TAFA1: variants seen among roughly 807,000 people sequenced by gnomAD.
TAFA1 encodes the protein TAFA chemokine like family member 1, also known as chemokine-like protein TAFA-1.
A neutral mutation model predicts 18.5 loss-of-function variants in TAFA1; 4 were observed. The observed-to-expected ratio is 0.22, with a 90% CI of 0.11 to 0.49. The LOEUF is 0.49. Ranked by LOEUF, TAFA1 falls within the 20% of genes least tolerant of loss-of-function variation. TAFA1 has a pLI of 0.98. For missense variants in TAFA1, 147 were observed against 169.0 expected (o/e 0.87, Z 0.72); for synonymous variants, 56 against 55.2 (o/e 1.01, Z -0.06).
chr3:68,037,884 A>G (rs1705085447), intron 2 of TAFA1, among the ~76,000 whole-genome samples: 1 of 152,216 alleles, frequency 6.6e-6, no homozygotes, highest in African/African-American at 2.4e-5. Flanking sequence ...CATTTTATGC[A>G]AGTGGGAATG....
At chr3:68,515,704 C>A (rs1463107068) in intron 3 of TAFA1, among the ~76,000 whole-genome samples, 2 of 152,208 alleles carry the variant, frequency 1.3e-5, no homozygotes, top group Non-Finnish European at 2.9e-5. Context: ...CCTTGCCATT[C>A]ACTAGCTTGG....
intron 3 of TAFA1, among the ~76,000 whole-genome samples, chr3:68,536,167 A>G (rs957638345): frequency 9.2e-5 from 14 of 152,188 alleles, no homozygotes; most frequent in African/African-American, 3.1e-4. Flanking sequence ...GGAACACTGA[A>G]TTCTAAAGAA....
intron 2 of TAFA1, among the ~76,000 whole-genome samples, chr3:68,173,326 T>G (rs1169127142): frequency 1.4e-5 from 2 of 147,410 alleles, no homozygotes; most frequent in Admixed American, 1.3e-4. Context: ...CCTATATAAA[T>G]AAATATATAT....
intron 3 of TAFA1, among the ~76,000 whole-genome samples, chr3:68,507,093 C>T (rs1463246287): frequency 6.6e-6 from 1 of 152,118 alleles, no homozygotes; most frequent in African/African-American, 2.4e-5. Flanking sequence ...TTCTCTTGCT[C>T]GTGAAATCTA....
At chr3:68,156,173 G>A (rs1402505930) in intron 2 of TAFA1, among the ~76,000 whole-genome samples, 2 of 152,274 alleles carry the variant, frequency 1.3e-5, no homozygotes, top group South Asian at 2.1e-4. Context: ...TACTGCAGCA[G>A]AATCAGGGAA....
At chr3:68,164,460 G>T (rs1463387179) in intron 2 of TAFA1, among the ~76,000 whole-genome samples, 1 of 152,116 alleles carries the variant, frequency 6.6e-6, no homozygotes, top group Admixed American at 6.5e-5. Flanking sequence ...TTGGGTAATT[G>T]CCCTGGGTAT....
intron 2 of TAFA1, among the ~76,000 whole-genome samples, chr3:68,017,211 T>C (rs973868535): frequency 1.3e-5 from 2 of 152,198 alleles, no homozygotes; most frequent in East Asian, 1.9e-4. Context: ...TTAAAATGAA[T>C]TGGTTTTGTA....
chr3:68,382,644 G>A (rs932302289), intron 2 of TAFA1, among the ~76,000 whole-genome samples: 7 of 152,118 alleles, frequency 4.6e-5, no homozygotes, highest in South Asian at 2.1e-4. Flanking sequence ...GTCAGGTAGC[G>A]TGATGCCTCC....
intron 2 of TAFA1, among the ~76,000 whole-genome samples, chr3:68,093,246 A>G (rs1462263948): frequency 7.2e-5 from 11 of 151,978 alleles, no homozygotes; most frequent in Admixed American, 3.3e-4. Flanking sequence ...CTCTTTCTGT[A>G]TATGTCTCTC....
chr3:68,354,449 C>G (rs186636339), intron 2 of TAFA1, among the ~76,000 whole-genome samples: 3 of 152,020 alleles, frequency 2.0e-5, no homozygotes, highest in African/African-American at 7.2e-5. Context: ...CTCCGCTACT[C>G]TCTATTGCCT....
chr3:68,174,070 G>A (rs189353418), intron 2 of TAFA1, among the ~76,000 whole-genome samples: 5 of 152,260 alleles, frequency 3.3e-5, no homozygotes, highest in Admixed American at 2.0e-4. Context: ...TGGACTAGCA[G>A]TTTGTGAGAA....
chr3:68,288,275 A>T (rs2068050160), intron 2 of TAFA1, among the ~76,000 whole-genome samples: 1 of 152,204 alleles, frequency 6.6e-6, no homozygotes, highest in South Asian at 2.1e-4. Flanking sequence ...GATCCCTGAC[A>T]TTGCCATAGG....
intron 2 of TAFA1, among the ~76,000 whole-genome samples, chr3:68,390,307 C>T (rs757619822): frequency 1.3e-5 from 2 of 152,154 alleles, no homozygotes; most frequent in Non-Finnish European, 2.9e-5. Context: ...CTCTCTAGAT[C>T]CCTCATCTCT....
At chr3:68,303,717 G>A (rs1057160053) in intron 2 of TAFA1, among the ~76,000 whole-genome samples, 8 of 152,024 alleles carry the variant, frequency 5.3e-5, no homozygotes, top group Admixed American at 5.2e-4. Flanking sequence ...CCAAAGTGCT[G>A]GGATTACAGG....
At chr3:68,001,114 A>G (rs1426814088), upstream of TAFA1, among the ~76,000 whole-genome samples, 3 of 152,216 alleles carry the variant, frequency 2.0e-5, no homozygotes, top group Non-Finnish European at 4.4e-5. Flanking sequence ...CTATAAAAAT[A>G]TACATGTATT....
chr3:68,234,115 A>C (rs2066901427), intron 2 of TAFA1, among the ~76,000 whole-genome samples: 1 of 152,224 alleles, frequency 6.6e-6, no homozygotes, highest in Admixed American at 6.5e-5. Context: ...ATTATCCAGC[A>C]GCTGATATTT....
At chr3:68,118,367 C>T (rs956366398) in intron 2 of TAFA1, among the ~76,000 whole-genome samples, 8 of 152,136 alleles carry the variant, frequency 5.3e-5, no homozygotes, top group Admixed American at 3.9e-4. Context: ...GGCTGTAATG[C>T]GAACCATGGG....
chr3:68,318,134 T>C (rs2068635604), intron 2 of TAFA1, among the ~76,000 whole-genome samples: 1 of 152,114 alleles, frequency 6.6e-6, no homozygotes, highest in Admixed American at 6.6e-5. Flanking sequence ...AGTTTGTCAG[T>C]AAGATAGAAA....
At chr3:68,238,324 TTC>T (rs2066955540) in intron 2 of TAFA1, among the ~76,000 whole-genome samples, 2 of 152,170 alleles carry the variant, frequency 1.3e-5, no homozygotes, top group Non-Finnish European at 2.9e-5. Context: ...CTTGTGGGAT[TTC>T]TCAGACCTTC....
Sources: allele counts gnomAD v4.1 joint callset (sites outside exome capture counted in the v4.1 genomes callset), GRCh38; gene constraint gnomAD v4.1.1; transcripts MANE v1.5; gene names NCBI Gene and HGNC (gene_info 2026-07-23, HGNC 2026-07-21).